Variants in STAB2 observed in about 807,000 individuals in gnomAD.
STAB2 encodes the protein stabilin-2.
A neutral mutation model predicts 338.1 loss-of-function variants in STAB2; 288 were observed. The ratio of observed to expected loss-of-function variants is 0.85; its 90% confidence interval spans 0.77 to 0.94. The LOEUF is 0.94. Among genes scored for constraint, STAB2 ranks in the 40% least tolerant of loss-of-function variants. The pLI, the probability that STAB2 is intolerant of heterozygous loss-of-function variation, is 0.00. For missense variants in STAB2, 3,141 were observed against 3,210.1 expected (o/e 0.98, Z 0.52); for synonymous variants, 1,202 against 1,193.3 (o/e 1.01, Z -0.15).
At chr12:103,754,212 C>T (rs1421277052) in intron 61 of STAB2, among the ~76,000 whole-genome samples, 1 of 152,070 alleles carries the variant, frequency 6.6e-6, no homozygotes, top group Non-Finnish European at 1.5e-5. Context: ...TGAATCTCTG[C>T]TCTCCTGCTT....
chr12:103,746,094 C>T (rs1421292077), intron 57 of STAB2, among the ~76,000 whole-genome samples: 1 of 152,290 alleles, frequency 6.6e-6, no homozygotes, highest in African/African-American at 2.4e-5. Context: ...TTCCTCCTCC[C>T]TGTTCCTTCT....
intron 45 of STAB2, among the ~76,000 whole-genome samples, 164 bp from the exon 46 acceptor site, chr12:103,725,952 A>T (rs112114499): frequency 6.6e-6 from 1 of 152,330 alleles, no homozygotes; most frequent in Non-Finnish European, 1.5e-5. Context: ...ATGTCCACAT[A>T]GTCATTCTGA....
chr12:103,633,498 C>T (rs1957496919), intron 6 of STAB2, among the ~76,000 whole-genome samples: 1 of 152,168 alleles, frequency 6.6e-6, no homozygotes, highest in African/African-American at 2.4e-5. Context: ...GCCTGGCCAA[C>T]ATGGTGAAAC....
intron 48 of STAB2, 83 bp downstream of exon 48, chr12:103,729,078 C>T: frequency 1.5e-6 from 2 of 1,349,600 alleles, no homozygotes; most frequent in South Asian, 2.4e-5. Flanking sequence ...GGCCATCATC[C>T]TCAGCAAACT....
At chr12:103,743,705 C>T (rs891149052) in intron 56 of STAB2, among the ~76,000 whole-genome samples, 5 of 152,104 alleles carry the variant, frequency 3.3e-5, no homozygotes, top group East Asian at 1.9e-4. Context: ...AATAGCCACG[C>T]GTAGATAGTG....
intron 60 of STAB2, among the ~76,000 whole-genome samples, chr12:103,751,036 T>C (rs772710204): frequency 7.9e-5 from 12 of 152,176 alleles, no homozygotes; most frequent in Admixed American, 1.3e-4. Context: ...GCATGGGCAA[T>C]AGGACATCTT....
intron 3 of STAB2, among the ~76,000 whole-genome samples, chr12:103,599,380 C>T (rs1956922612): frequency 6.6e-6 from 1 of 152,202 alleles, no homozygotes. Context: ...AGCTGGGTGC[C>T]TGCTCTGCCT....
At chr12:103,685,445 TGTGTGTGTGCGCGTGC>T (rs1447049052) in intron 27 of STAB2, among the ~76,000 whole-genome samples, 7 of 145,742 alleles carry the variant, frequency 4.8e-5, no homozygotes, top group African/African-American at 1.6e-4. Context: ...TGTGTGTGTG[TGTGTGTGTGCGCGTGC>T]GTGTGTGTGT....
intron 1 of STAB2, among the ~76,000 whole-genome samples, chr12:103,590,009 C>G (rs1956771563): frequency 1.3e-5 from 2 of 151,988 alleles, no homozygotes; most frequent in Admixed American, 1.3e-4. Context: ...CTTTTGATCC[C>G]CAAGTTTAGT....
At chr12:103,707,414 G>T (rs1879461545) in intron 38 of STAB2, among the ~76,000 whole-genome samples, 1 of 152,196 alleles carries the variant, frequency 6.6e-6, no homozygotes, top group African/African-American at 2.4e-5. Flanking sequence ...GGGTAGTAAG[G>T]CAAAGAGGTT....
At chr12:103,654,818 C>A in intron 13 of STAB2, 120 bp downstream of exon 13, 2 of 1,253,158 alleles carry the variant, frequency 1.6e-6, no homozygotes, top group Non-Finnish European at 2.2e-6. Flanking sequence ...GGATCCCGAG[C>A]AGAGAGAAGA....
chr12:103,651,979 T>C (rs1432931566), intron 11 of STAB2, among the ~76,000 whole-genome samples: 1 of 152,238 alleles, frequency 6.6e-6, no homozygotes, highest in Non-Finnish European at 1.5e-5. Context: ...AAACATTGTA[T>C]GCCTCTAGGC....
chr12:103,607,964 T>C (rs1234119552), intron 3 of STAB2, among the ~76,000 whole-genome samples: 1 of 152,208 alleles, frequency 6.6e-6, no homozygotes, highest in African/African-American at 2.4e-5. Context: ...ATCGCCACAC[T>C]GACTTCCACA....
At chr12:103,589,889 C>T (rs533911390) in intron 1 of STAB2, among the ~76,000 whole-genome samples, 4 of 152,142 alleles carry the variant, frequency 2.6e-5, no homozygotes, top group Admixed American at 6.5e-5. Flanking sequence ...GTCTCAATAA[C>T]CTCAAGAGTG....
intron 6 of STAB2, among the ~76,000 whole-genome samples, chr12:103,635,189 GTATCT>G (rs1957524442): frequency 6.6e-6 from 1 of 152,184 alleles, no homozygotes. Flanking sequence ...GGAAAACATA[GTATCT>G]CCCTCAGGAG....
rs199725776 is a variant in STAB2, at chr12:103,711,547, G to T, written c.4334+31G>T. ...TAGCCCTGGGCCACCTCTGGGGACA[G>T]TGTAAAGGGGATTTTTTCCCAATAT... On this transcript the variant is annotated intron_variant, in intron 40 of 68. Transcript: ENST00000388887. 4.4e-4 allele frequency: 716 copies of T among 1,611,972 alleles called. 1 individual carries two copies. The highest frequency in any genetic ancestry group is 8.9e-4 in the Admixed American group (53 of 59,508).
In STAB2 at chr12:103,690,469, C is replaced by A; in HGVS notation, c.3228C>A (p.Thr1076=). Residue 1076 remains threonine (T), a synonymous_variant, in exon 30 of 69, where the codon ACC becomes ACA. Transcript: ENST00000388887. Reference sequence around the variant, plus strand: ...CATACAGAGTGGCAGATCTGCAGACCCTGTCTTCTTCTGACATGTTGGCAA... The same window carrying A: ...CATACAGAGTGGCAGATCTGCAGACACTGTCTTCTTCTGACATGTTGGCAA... ...LGTYRVADLQ[T]LSSSDMLATS... is the part of the protein sequence containing the mutation. 1 of 1,614,062 alleles carries A rather than the reference C, an allele frequency of 6.2e-7. No homozygotes were observed.
At chr12:103,645,856 C>T (rs1316697851) in intron 9 of STAB2, among the ~76,000 whole-genome samples, 1 of 150,450 alleles carries the variant, frequency 6.6e-6, no homozygotes, top group Non-Finnish European at 1.5e-5. Context: ...AAGGATGTCT[C>T]TAGACATTGC....
At position 103,749,057 on chromosome 12, in the gene STAB2, A is replaced by T. The variant is rs746339106; in HGVS notation, c.6339A>T (p.Gly2113=). 4.8e-5 allele frequency: 77 copies of T among 1,613,988 alleles called. No homozygotes were observed. In the South Asian group the frequency reaches 7.8e-4, roughly 16 times the overall value. The stretch of plus-strand genomic sequence containing the variant: ...AGGTCTCCTGCAGCTGCCAGAAGGG[A>T]TACAAAGGGGACGGGCACAGCTGCA... ...GTKVSCSCQK[G]YKGDGHSCTE... The change falls in exon 59 of 69, where the codon GGA becomes GGT. Residue 2113 remains glycine, a synonymous_variant. Transcript: ENST00000388887.
Sources: allele counts gnomAD v4.1 joint callset (sites outside exome capture counted in the v4.1 genomes callset), GRCh38; gene constraint gnomAD v4.1.1; transcripts MANE v1.5; gene names NCBI Gene and HGNC (gene_info 2026-07-23, HGNC 2026-07-21).